The following ERICH1 variants were observed in gnomAD, a reference collection of about 807,000 sequenced individuals.
The protein encoded by ERICH1 is glutamate-rich protein 1.
Under a neutral mutation model 39.6 loss-of-function variants are expected in ERICH1, and 56 were observed. That is an observed-to-expected ratio of 1.41 (90% CI 1.14 to 1.77). The LOEUF is 1.77. ERICH1 is among the 40% of genes most tolerant of loss of function. ERICH1 has a pLI of 0.00. For missense variants in ERICH1, 826 were observed against 575.4 expected, an observed-to-expected ratio of 1.44 and a Z score of -4.45; for synonymous variants, 313 against 223.6, an observed-to-expected ratio of 1.40 and a Z score of -3.57.
intron 2 of ERICH1, among the ~76,000 whole-genome samples, chr8:711,316 A>G (rs1814674771): frequency 1.3e-5 from 2 of 152,124 alleles, no homozygotes; most frequent in Non-Finnish European, 2.9e-5. Flanking sequence ...CGCAGAGCAC[A>G]AGATTTTAAT....
At chr8:643,744 C>T (rs1250974148) in intron 3 of ERICH1, among the ~76,000 whole-genome samples, 6 of 152,218 alleles carry the variant, frequency 3.9e-5, no homozygotes, top group Non-Finnish European at 8.8e-5. Context: ...AGGCATGGGG[C>T]GGCTCCTCAG....
At chr8:645,704 G>C (rs1413897399) in intron 3 of ERICH1, among the ~76,000 whole-genome samples, 1 of 68,634 alleles carries the variant, frequency 1.5e-5, no homozygotes, top group African/African-American at 3.7e-5. Flanking sequence ...TGCTGCCCAG[G>C]CTGGTCTCAA....
intron 3 of ERICH1, among the ~76,000 whole-genome samples, chr8:653,810 C>A (rs1028036897): frequency 1.5e-5 from 2 of 131,502 alleles, no homozygotes; most frequent in Non-Finnish European, 1.6e-5. Flanking sequence ...GAGAGGTCTC[C>A]GGAGGGGTTG....
Position 630,100 on chromosome 8 carries a change from C to A in ERICH1, c.977-14816G>T, listed in dbSNP as rs542016975. Among the ~76,000 whole-genome samples the A allele has an allele frequency of 5.9e-5, 8 of 136,532 alleles. No individual in the cohort carries two copies. The South Asian group carries it at 1.2e-3, about 21-fold the overall frequency. 89.6% of individuals were successfully genotyped at this position (136,532 alleles called of 152,430 possible). ...TGAGCACCCACACAGACAGAGCTGA[C>A]TCACACCCTCCCGTGAGCACCCACA... is the stretch of plus-strand genomic sequence containing the variant. On this transcript the variant is annotated intron_variant, in intron 3 of 3. Coordinates refer to the ERICH1 transcript ENST00000522706.
chr8:625,349 C>A (rs576875404), intron 3 of ERICH1, among the ~76,000 whole-genome samples: 2 of 152,284 alleles, frequency 1.3e-5, no homozygotes, highest in South Asian at 4.1e-4. Flanking sequence ...AACCACGACG[C>A]TGAGTTAAAG....
chr8:650,117 C>T (rs1799759659), intron 3 of ERICH1, among the ~76,000 whole-genome samples: 1 of 152,228 alleles, frequency 6.6e-6, no homozygotes, highest in African/African-American at 2.4e-5. Flanking sequence ...TCAGCGCTCG[C>T]TCCATGCCGG....
chr8:718,840 G>A (rs1481775945), intron 1 of ERICH1, among the ~76,000 whole-genome samples: 3 of 152,230 alleles, frequency 2.0e-5, no homozygotes, highest in African/African-American at 4.8e-5. Context: ...CTGCTCAGGT[G>A]CCACACGAGC....
At chr8:653,533 A>AT (rs1430834443) in intron 3 of ERICH1, among the ~76,000 whole-genome samples, 4 of 152,160 alleles carry the variant, frequency 2.6e-5, no homozygotes, top group African/African-American at 7.2e-5. Flanking sequence ...TTTTGTCTAT[A>AT]TATTTGTTCT....
At chr8:640,978 G>A (rs189061505) in intron 3 of ERICH1, 28 of 152,304 alleles carry the variant, frequency 1.8e-4, no homozygotes, top group African/African-American at 5.8e-4. Flanking sequence ...AACACTCCAG[G>A]ATAGTTCAGC....
intron 1 of ERICH1, among the ~76,000 whole-genome samples, chr8:718,597 G>A (rs888267374): frequency 6.6e-6 from 1 of 152,208 alleles, no homozygotes; most frequent in South Asian, 2.1e-4. Context: ...TTTAAATTCA[G>A]AGTGACAGCT....
chr8:624,178 C>T (rs2167547), intron 3 of ERICH1, among the ~76,000 whole-genome samples: 17,703 of 152,056 alleles, frequency 0.12, 1,292 homozygotes, highest in East Asian at 0.28. Context: ...AAATGCAAAT[C>T]GAAACCACAA....
chr8:713,495 A>C (rs1418160085), intron 2 of ERICH1, among the ~76,000 whole-genome samples: 1 of 152,186 alleles, frequency 6.6e-6, no homozygotes, highest in Non-Finnish European at 1.5e-5. Context: ...TGCTTAGTGT[A>C]ACCCCGTATC....
rs771576444 is a variant in ERICH1, at chr8:692,662, A to C, written c.170-50T>G. 16 of 1,519,802 alleles carry C rather than the reference A, an allele frequency of 1.1e-5. No homozygotes were observed. The African/African-American group carries it at 1.7e-4, about 16-fold the overall frequency. 94.1% of individuals were successfully genotyped at this position (1,519,802 alleles called of 1,614,324 possible). On this transcript the variant is annotated intron_variant, in intron 2 of 5. Coordinates refer to ENST00000262109, the MANE Select transcript of ERICH1 (RefSeq NM_207332.3). Reference sequence around the variant, plus strand: ...GGAACTGGTAAATATCACAAAATGCAGTCATTTATTTGCCTTGATTACATC... The same window carrying C: ...GGAACTGGTAAATATCACAAAATGCCGTCATTTATTTGCCTTGATTACATC...
intron 2 of ERICH1, among the ~76,000 whole-genome samples, chr8:707,279 C>T (rs1215014591): frequency 6.7e-6 from 1 of 148,330 alleles, no homozygotes; most frequent in Non-Finnish European, 1.5e-5. Flanking sequence ...GCGATCTTGG[C>T]TCACTGCAAC....
At chr8:669,849 A>C (rs1802891176) in intron 4 of ERICH1, among the ~76,000 whole-genome samples, 1 of 152,252 alleles carries the variant, frequency 6.6e-6, no homozygotes, top group African/African-American at 2.4e-5. Flanking sequence ...GTATGACTGC[A>C]ATTCACTTGC....
At chr8:717,628 C>T (rs1160501543) in intron 1 of ERICH1, among the ~76,000 whole-genome samples, 1 of 152,192 alleles carries the variant, frequency 6.6e-6, no homozygotes, top group Non-Finnish European at 1.5e-5. Context: ...CTTCATAAGC[C>T]AAAACAAATT....
rs192984247 is a variant in ERICH1, at chr8:699,298, A to G, written c.170-6686T>C. On this transcript the variant is annotated intron_variant, in intron 2 of 5. Transcript: ENST00000262109. ...GCAAAATGCTACCGGGGGGAGCGCC[A>G]GCCCCACCAGAGGGCTGGACAGAAG... is the stretch of plus-strand genomic sequence containing the variant. 5.9e-4 allele frequency among the ~76,000 whole-genome samples: 90 copies of G among 152,238 alleles called. 1 individual carries two copies. The highest frequency in any genetic ancestry group is 5.3e-3 in the Admixed American group (81 of 15,282).
downstream of ERICH1, among the ~76,000 whole-genome samples, chr8:663,917 G>A (rs1477458989): frequency 6.6e-6 from 1 of 151,748 alleles, no homozygotes. Context: ...CCGCCACCAC[G>A]CCCGGCTAAT....
chr8:702,868 T>C (rs1404825147), intron 2 of ERICH1, among the ~76,000 whole-genome samples: 1 of 152,184 alleles, frequency 6.6e-6, no homozygotes, highest in Non-Finnish European at 1.5e-5. Flanking sequence ...GATGGAAGCC[T>C]GTCTCCGTCC....
Sources: allele counts gnomAD v4.1 joint callset (sites outside exome capture counted in the v4.1 genomes callset), GRCh38; gene constraint gnomAD v4.1.1; transcripts MANE v1.5; gene names NCBI Gene and HGNC (gene_info 2026-07-23, HGNC 2026-07-21).